Variants in FILIP1 observed in about 807,000 individuals in gnomAD.
FILIP1 encodes filamin A interacting protein 1.
Under a neutral mutation model 102.1 loss-of-function variants are expected in FILIP1, and 61 were observed. The ratio of observed to expected loss-of-function variants is 0.60; its 90% CI spans 0.49 to 0.74. FILIP1 has a LOEUF of 0.74. Ranked by LOEUF, FILIP1 falls within the 30% of genes least tolerant of loss-of-function variation. FILIP1 has a pLI of 0.00. For missense variants in FILIP1, 1,314 were observed against 1,441.2 expected (o/e 0.91, Z 1.43); for synonymous variants, 491 against 526.9 (o/e 0.93, Z 0.93).
At chr6:75,334,287 C>G (rs1014441368) in intron 4 of FILIP1, among the ~76,000 whole-genome samples, 5 of 152,098 alleles carry the variant, frequency 3.3e-5, no homozygotes, top group African/African-American at 9.7e-5. Context: ...GAAATTACTT[C>G]CCCCACCATA....
intron 1 of FILIP1, among the ~76,000 whole-genome samples, chr6:75,472,733 G>A (rs1009830065): frequency 2.6e-5 from 4 of 152,064 alleles, no homozygotes; most frequent in African/African-American, 7.2e-5. Flanking sequence ...ACTATGACAT[G>A]TACAAACCAG....
chr6:75,462,661 C>G (rs1189524192), intron 1 of FILIP1, among the ~76,000 whole-genome samples: 1 of 151,968 alleles, frequency 6.6e-6, no homozygotes, highest in African/African-American at 2.4e-5. Context: ...GCAGCTGCTT[C>G]AACAAATTTC....
rs1002022147 is a variant in FILIP1 at position 75,414,785 on chromosome 6, C to G, written c.188G>C (p.Gly63Ala). 5 of 1,613,726 alleles carry G rather than the reference C, an allele frequency of 3.1e-6. No homozygotes were observed. Among genetic ancestry groups the G allele is most frequent in the Non-Finnish European group, 4.2e-6 (5 of 1,179,820 alleles). Residue 63 changes from glycine (G) to alanine (A), a missense_variant, in exon 2 of 6, where the codon GGA becomes GCA. Physicochemically the swap from Gly to Ala is moderately conservative, Grantham distance 60. Transcript: ENST00000237172. ...TTTCTTAGTTTTTCGTTCACATTCT[C>G]CAGATGTTTTTAGGTGTCGTTTGAC... ...GTVKRHLKTS[G>A]ECERKTKKSL...
intron 4 of FILIP1, among the ~76,000 whole-genome samples, chr6:75,352,080 A>G (rs1035686596): frequency 1.3e-5 from 2 of 152,254 alleles, no homozygotes; most frequent in Non-Finnish European, 2.9e-5. Context: ...TACCAAATCC[A>G]ATAATAAATA....
At chr6:75,378,534 A>C (rs1343093795) in intron 2 of FILIP1, among the ~76,000 whole-genome samples, 1 of 152,212 alleles carries the variant, frequency 6.6e-6, no homozygotes, top group African/African-American at 2.4e-5. Flanking sequence ...AAATGTTAGC[A>C]TCCCGAATCT....
chr6:75,411,459 T>C (rs1777067478), intron 2 of FILIP1, among the ~76,000 whole-genome samples: 2 of 152,248 alleles, frequency 1.3e-5, no homozygotes, highest in Admixed American at 1.3e-4. Flanking sequence ...TTGTTGCCAT[T>C]GCTTTTGGTG....
chr6:75,360,697 C>T (rs2951952), intron 3 of FILIP1: 111,715 of 152,178 alleles, frequency 0.73, 41,455 homozygotes, highest in African/African-American at 0.85. Flanking sequence ...GTCCACTGTA[C>T]TGGGTTCATT....
At chr6:75,312,133 C>T (rs1233268734) in intron 5 of FILIP1, among the ~76,000 whole-genome samples, 1 of 152,150 alleles carries the variant, frequency 6.6e-6, no homozygotes, top group Non-Finnish European at 1.5e-5. Context: ...TTCAAAGAGG[C>T]TATCTTTGCA....
At position 75,414,826 on chromosome 6, in the gene FILIP1, G is replaced by T. The variant is rs769032132; in HGVS notation, c.147C>A (p.Val49=). 9 of 1,613,866 alleles carry T rather than the reference G, an allele frequency of 5.6e-6. 1 individual carries two copies. In the South Asian group the frequency reaches 9.9e-5, roughly 18 times the overall value. The change falls in exon 2 of 6, where the codon GTC becomes GTA. Residue 49 remains valine, a synonymous_variant. Coordinates refer to ENST00000237172, the MANE Select transcript of FILIP1 (RefSeq NM_015687.5). The stretch of plus-strand genomic sequence containing the variant: ...GTCGTTTGACAGTTCCTGAGGCCAT[G>T]ACATCATCCTCCTTCCTATTTGATT... ...KKKSNRKEDD[V]MASGTVKRHL... is the part of the protein sequence containing the mutation.
intron 4 of FILIP1, among the ~76,000 whole-genome samples, chr6:75,349,291 A>G (rs373286773): frequency 7.9e-5 from 12 of 152,132 alleles, no homozygotes; most frequent in African/African-American, 2.9e-4. Flanking sequence ...AGAGCAGGAC[A>G]AATGTGGAGA....
chr6:75,413,178 G>T (rs1369164461), intron 2 of FILIP1, among the ~76,000 whole-genome samples: 1 of 152,110 alleles, frequency 6.6e-6, no homozygotes, highest in Non-Finnish European at 1.5e-5. Flanking sequence ...AAGAGCCACG[G>T]ACTTCCCAAG....
intron 2 of FILIP1, among the ~76,000 whole-genome samples, chr6:75,375,370 G>C (rs569535647): frequency 6.6e-6 from 1 of 152,314 alleles, no homozygotes; most frequent in African/African-American, 2.4e-5. Context: ...ACAGAAGAGC[G>C]AGTCTTTGGG....
At chr6:75,479,242 A>G (rs1301066596) in intron 1 of FILIP1, among the ~76,000 whole-genome samples, 1 of 152,212 alleles carries the variant, frequency 6.6e-6, no homozygotes, top group African/African-American at 2.4e-5. Context: ...TACTCTCAAA[A>G]GCACTGCATG....
rs529818777 is a variant in FILIP1 at position 75,382,556 on chromosome 6, T to G, written c.277-19639A>C. On this transcript the variant is annotated intron_variant, in intron 2 of 5. Coordinates refer to ENST00000237172, the MANE Select transcript of FILIP1 (RefSeq NM_015687.5). ...AGAATTAACTCTACTGTGCTTGCTA[T>G]TCTTAAACTGTTAAAGAGACAGGGT... Among the ~76,000 whole-genome samples the G allele has an allele frequency of 6.3e-4, 96 of 152,330 alleles. 1 individual carries two copies. Among genetic ancestry groups the G allele is most frequent in the African/African-American group, 2.0e-3 (84 of 41,582 alleles).
chr6:75,422,247 G>C (rs1777493000), intron 1 of FILIP1, among the ~76,000 whole-genome samples: 1 of 151,776 alleles, frequency 6.6e-6, no homozygotes. Context: ...GTCACTACTA[G>C]ACATAGCATG....
chr6:75,484,280 A>T (rs942077822), intron 1 of FILIP1, among the ~76,000 whole-genome samples: 1 of 152,116 alleles, frequency 6.6e-6, no homozygotes, highest in Non-Finnish European at 1.5e-5. Flanking sequence ...TTGAATAATC[A>T]CAGTTCCATA....
intron 1 of FILIP1, among the ~76,000 whole-genome samples, chr6:75,415,533 GAAA>G (rs34828375): frequency 1.3e-5 from 1 of 78,762 alleles, no homozygotes; most frequent in African/African-American, 4.9e-5. Context: ...TCACAGTGTG[GAAA>G]AAAAAAAAAA....
At chr6:75,390,172 C>T (rs1776237502) in intron 2 of FILIP1, among the ~76,000 whole-genome samples, 1 of 152,114 alleles carries the variant, frequency 6.6e-6, no homozygotes, top group South Asian at 2.1e-4. Flanking sequence ...AACTCAGAAG[C>T]AGATAATTTC....
chr6:75,429,672 A>G (rs896791281), intron 1 of FILIP1, among the ~76,000 whole-genome samples: 1 of 152,204 alleles, frequency 6.6e-6, no homozygotes, highest in Admixed American at 6.5e-5. Flanking sequence ...GGAGCAGAAC[A>G]GTGTTTGGAA....
Sources: allele counts gnomAD v4.1 joint callset (sites outside exome capture counted in the v4.1 genomes callset), GRCh38; gene constraint gnomAD v4.1.1; transcripts MANE v1.5; gene names NCBI Gene and HGNC (gene_info 2026-07-23, HGNC 2026-07-21).